TRIT1: variants seen among roughly 807,000 people sequenced by gnomAD.
TRIT1 encodes the protein tRNA dimethylallyltransferase.
A neutral mutation model predicts 51.2 loss-of-function variants in TRIT1; 43 were observed. The ratio of observed to expected loss-of-function variants is 0.84; its 90% CI spans 0.66 to 1.08. The LOEUF (loss-of-function observed/expected upper bound fraction) is 1.08. TRIT1 is among the 50% of genes least tolerant of loss of function. TRIT1 has a pLI of 0.00. For missense variants in TRIT1, 528 were observed against 578.4 expected, an observed-to-expected ratio of 0.91 and a Z score of 0.89; for synonymous variants, 184 against 203.9, an observed-to-expected ratio of 0.90 and a Z score of 0.83.
chr1:39,869,126 C>T (rs1020485508), intron 1 of TRIT1, among the ~76,000 whole-genome samples: 1 of 151,966 alleles, frequency 6.6e-6, no homozygotes, highest in Non-Finnish European at 1.5e-5. Flanking sequence ...CTCTCCCTCT[C>T]TCTCCAGGGT....
At chr1:39,882,066 C>G (rs1047127473) in intron 1 of TRIT1, among the ~76,000 whole-genome samples, 1 of 152,154 alleles carries the variant, frequency 6.6e-6, no homozygotes, top group African/African-American at 2.4e-5. Flanking sequence ...ATTTAATCAT[C>G]ACAATAATGT....
chr1:39,879,494 A>G (rs1644175028), intron 1 of TRIT1, among the ~76,000 whole-genome samples: 1 of 151,462 alleles, frequency 6.6e-6, no homozygotes, highest in Non-Finnish European at 1.5e-5. Flanking sequence ...AAATATATAT[A>G]TATATATATT....
In TRIT1 at chr1:39,838,483, T is replaced by C. The variant is rs1652456416; in HGVS notation, c.*3261A>G. Among the ~76,000 whole-genome samples, 1 of 152,048 alleles carries C rather than the reference T, an allele frequency of 6.6e-6. No homozygotes were observed. The highest frequency in any genetic ancestry group is 6.6e-5 in the Admixed American group (1 of 15,262). ...GGAGGGGGTTGTTAGTTTTATTTTC[T>C]TTTTGAGCAACATGGTCTTGCTCTG... On this transcript the variant is annotated 3_prime_UTR_variant, in exon 11 of 11. Coordinates refer to ENST00000316891, the MANE Select transcript of TRIT1 (RefSeq NM_017646.6).
intron 1 of TRIT1, among the ~76,000 whole-genome samples, chr1:39,880,106 C>A (rs949356270): frequency 2.6e-5 from 4 of 151,044 alleles, no homozygotes; most frequent in African/African-American, 9.7e-5. Context: ...ATCCTGGAGG[C>A]GGAGGTTGCA....
At chr1:39,879,167 G>A (rs920517246) in intron 1 of TRIT1, among the ~76,000 whole-genome samples, 1 of 152,066 alleles carries the variant, frequency 6.6e-6, no homozygotes, top group African/African-American at 2.4e-5. Flanking sequence ...TACTCGGGAG[G>A]CTGAGGCAGG....
intron 1 of TRIT1, among the ~76,000 whole-genome samples, chr1:39,870,513 TAA>T (rs60334518): frequency 4.9e-4 from 39 of 78,790 alleles, no homozygotes; most frequent in South Asian, 1.0e-3. Flanking sequence ...CAATAAATAC[TAA>T]AAAAAAAAAA....
chr1:39,846,830 T>C (rs1642251501), intron 8 of TRIT1, among the ~76,000 whole-genome samples: 1 of 152,192 alleles, frequency 6.6e-6, no homozygotes, highest in South Asian at 2.1e-4. Context: ...TGTCTTTTTA[T>C]ACAACTCATC....
intron 8 of TRIT1, among the ~76,000 whole-genome samples, chr1:39,845,913 C>A (rs2124581634): frequency 6.6e-6 from 1 of 152,302 alleles, no homozygotes; most frequent in South Asian, 2.1e-4. Flanking sequence ...GAGGAACAGG[C>A]ATATGACACA....
At position 39,854,193 on chromosome 1, in the gene TRIT1, G is replaced by T. The variant is rs147094594; in HGVS notation, c.316-125C>A. On this transcript the variant is annotated intron_variant, in intron 2 of 10. Coordinates refer to ENST00000316891, the MANE Select transcript of TRIT1 (RefSeq NM_017646.6). ...GGAGAAAGGGTGGGAACCAAAATGCGTTGATACCAGCCCTCAGTGTTTCCA... is the reference window on the plus strand; with the variant it reads ...GGAGAAAGGGTGGGAACCAAAATGCTTTGATACCAGCCCTCAGTGTTTCCA... 750 of 646,782 alleles carry T rather than the reference G, an allele frequency of 1.2e-3. 3 individuals carry two copies. The African/African-American group carries it at 0.012, about 10-fold the overall frequency. The allele number at this position is 646,782 out of a possible 1,614,324, so 40.1% of individuals were successfully genotyped here.
chr1:39,845,093 A>T (rs560547370), intron 8 of TRIT1, among the ~76,000 whole-genome samples: 3 of 152,376 alleles, frequency 2.0e-5, no homozygotes, highest in Non-Finnish European at 2.9e-5. Flanking sequence ...ATATTCCCTC[A>T]GCGGCCTGGG....
Position 39,870,250 on chromosome 1 carries a change from C to A in TRIT1, c.175-12833G>T, listed in dbSNP as rs556521647. On this transcript the variant is annotated intron_variant, in intron 1 of 10. Coordinates refer to ENST00000316891, the MANE Select transcript of TRIT1 (RefSeq NM_017646.6). The stretch of plus-strand genomic sequence containing the variant: ...CTCTGAAACATGTGCTGTGTCCACT[C>A]AGGGTTAAATGGATTAAGGGCGGTG... Among the ~76,000 whole-genome samples, 42 of 152,290 alleles carry A rather than the reference C, an allele frequency of 2.8e-4. No homozygotes were observed. The South Asian group carries it at 8.3e-3, about 30-fold the overall frequency.
chr1:39,843,299 C>T (rs1223229119), intron 10 of TRIT1, among the ~76,000 whole-genome samples: 1 of 152,190 alleles, frequency 6.6e-6, no homozygotes, highest in Non-Finnish European at 1.5e-5. Context: ...GAGTAAACGA[C>T]AAGCCCCACT....
chr1:39,841,942 CA>C (rs763480396), intron 10 of TRIT1, 29 bp from the exon 11 acceptor site: 9 of 1,573,860 alleles, frequency 5.7e-6, no homozygotes, highest in South Asian at 4.7e-5. Flanking sequence ...ACCAAACAAA[CA>C]AAAAAACTCA....
intron 1 of TRIT1, among the ~76,000 whole-genome samples, chr1:39,871,959 A>G (rs1477857958): frequency 1.3e-5 from 2 of 152,074 alleles, no homozygotes; most frequent in Admixed American, 1.3e-4. Flanking sequence ...GCTAGAGTGC[A>G]GTGGCACCAT....
intron 1 of TRIT1, among the ~76,000 whole-genome samples, chr1:39,858,940 C>T (rs1643057148): frequency 1.3e-5 from 2 of 152,012 alleles, no homozygotes; most frequent in African/African-American, 4.8e-5. Context: ...ACACTGGTGT[C>T]TTCTATGCAC....
In TRIT1 at chr1:39,841,698, T is replaced by C. The variant is rs755516143; in HGVS notation, c.*46A>G. On this transcript the variant is annotated 3_prime_UTR_variant, in exon 11 of 11. Coordinates refer to ENST00000316891, the MANE Select transcript of TRIT1 (RefSeq NM_017646.6). ...GGGAGACAAACATACCCCTCCCTCCTGAACTGGATCCCCACCACCTTTCCA... is the reference window on the plus strand; with the variant it reads ...GGGAGACAAACATACCCCTCCCTCCCGAACTGGATCCCCACCACCTTTCCA... 7.7e-6 allele frequency: 12 copies of C among 1,568,264 alleles called. No individual in the cohort carries two copies. The highest frequency in any genetic ancestry group is 1.0e-5 in the Non-Finnish European group (12 of 1,158,456).
chr1:39,857,349 G>A lies in TRIT1; in HGVS notation c.243C>T (p.His81=). 6.2e-7 allele frequency: 1 copy of A among 1,614,194 alleles called. No homozygotes were observed. Among genetic ancestry groups the A allele is most frequent in the Non-Finnish European group, 8.5e-7 (1 of 1,180,028 alleles). Residue 81 remains histidine (H), a synonymous_variant, in exon 2 of 11, where the codon CAC becomes CAT. Coordinates refer to ENST00000316891, the MANE Select transcript of TRIT1 (RefSeq NM_017646.6). ...CAAGAGGATCCACAAAGCTGATCAT[G>A]TGGTGCCGGCAGATTCTCTGCTCTT... ...SAQEQRICRH[H]MISFVDPLVT...
chr1:39,865,531 A>T (rs1643486276), intron 1 of TRIT1, among the ~76,000 whole-genome samples: 1 of 152,206 alleles, frequency 6.6e-6, no homozygotes, highest in African/African-American at 2.4e-5. Flanking sequence ...AGCATATAGA[A>T]AAGTGGTTAA....
In TRIT1 at chr1:39,847,242, C is replaced by A. The variant is rs761816214; in HGVS notation, c.984G>T (p.Trp328Cys). ...TACTGCTCAAAAAACGGTTTTTAAC[C>A]CATCGGTTTTGTTTCCGGGCATATC... The part of the protein sequence containing the change: ...TKRYARKQNR[W>C]VKNRFLSRPG... The change falls in exon 8 of 11, where the codon TGG becomes TGT. Residue 328 changes from tryptophan (W) to cysteine (C), a missense_variant. Coordinates refer to ENST00000316891, the MANE Select transcript of TRIT1 (RefSeq NM_017646.6). The A allele has an allele frequency of 1.2e-6, 2 of 1,613,912 alleles. No homozygotes were observed. The highest frequency in any genetic ancestry group is 1.7e-6 in the Non-Finnish European group (2 of 1,180,012).
Sources: allele counts gnomAD v4.1 joint callset (sites outside exome capture counted in the v4.1 genomes callset), GRCh38; gene constraint gnomAD v4.1.1; transcripts MANE v1.5; gene names NCBI Gene and HGNC (gene_info 2026-07-23, HGNC 2026-07-21).